Variants in RGS7 observed in about 807,000 individuals in gnomAD.
The protein encoded by RGS7 is regulator of G protein signaling 7.
RGS7 carries 27 observed loss-of-function variants against 81.1 expected under a neutral mutation model. The ratio of observed to expected loss-of-function variants is 0.33; its 90% CI spans 0.25 to 0.46. The LOEUF is 0.46. Ranked by LOEUF, RGS7 falls within the 20% of genes least tolerant of loss-of-function variation. The pLI is 1.00. For missense variants in RGS7, 396 were observed against 607.4 expected (o/e 0.65, Z 3.66); for synonymous variants, 208 against 207.7 (o/e 1.00, Z -0.01).
intron 4 of RGS7, among the ~76,000 whole-genome samples, chr1:240,958,915 A>G (rs1304864050): frequency 1.3e-5 from 2 of 152,238 alleles, no homozygotes; most frequent in Non-Finnish European, 2.9e-5. Context: ...TGCTGTTATT[A>G]GCCTTTCCTA....
intron 4 of RGS7, among the ~76,000 whole-genome samples, chr1:240,950,835 G>A (rs1183125473): frequency 2.0e-5 from 3 of 152,068 alleles, no homozygotes; most frequent in South Asian, 4.1e-4. Context: ...CATTAAGCAC[G>A]GTCCAAGTAC....
intron 2 of RGS7, among the ~76,000 whole-genome samples, chr1:241,278,970 A>T (rs1173060039): frequency 6.6e-6 from 1 of 152,184 alleles, no homozygotes; most frequent in East Asian, 1.9e-4. Context: ...CCATAAAAGG[A>T]ACACATACCC....
At chr1:240,779,493 C>T (rs759662053) in intron 18 of RGS7, among the ~76,000 whole-genome samples, 1 of 140,524 alleles carries the variant, frequency 7.1e-6, no homozygotes, top group Non-Finnish European at 1.5e-5. Context: ...AGCTTGTTTG[C>T]CCCTCCCACC....
chr1:241,004,890 CA>C (rs1186257779), intron 3 of RGS7, among the ~76,000 whole-genome samples: 4 of 152,144 alleles, frequency 2.6e-5, no homozygotes, highest in African/African-American at 9.7e-5. Flanking sequence ...CGCCTCGGGC[CA>C]GAGGGATTCT....
At chr1:241,123,644 G>A (rs533975051) in intron 2 of RGS7, among the ~76,000 whole-genome samples, 70 of 152,280 alleles carry the variant, frequency 4.6e-4, no homozygotes, top group African/African-American at 1.5e-3. Flanking sequence ...ACAGCTACTC[G>A]GGAGGCTGAA....
At chr1:240,892,190 T>C (rs1323324693) in intron 6 of RGS7, among the ~76,000 whole-genome samples, 4 of 152,214 alleles carry the variant, frequency 2.6e-5, no homozygotes, top group African/African-American at 9.7e-5. Flanking sequence ...GTTTCTCTTA[T>C]GTACTTTGCT....
chr1:241,094,414 C>T (rs762816361), intron 3 of RGS7, among the ~76,000 whole-genome samples: 4 of 152,150 alleles, frequency 2.6e-5, no homozygotes, highest in Non-Finnish European at 5.9e-5. Flanking sequence ...CACATACAAC[C>T]TGTGCAGCTG....
At chr1:240,889,410 A>G (rs980514633) in intron 6 of RGS7, among the ~76,000 whole-genome samples, 2 of 152,172 alleles carry the variant, frequency 1.3e-5, no homozygotes, top group African/African-American at 4.8e-5. Context: ...ATGGGACACC[A>G]GCAGCAGGGT....
At chr1:241,245,712 CAGG>C (rs2076496101) in intron 2 of RGS7, among the ~76,000 whole-genome samples, 1 of 151,908 alleles carries the variant, frequency 6.6e-6, no homozygotes, top group African/African-American at 2.4e-5. Context: ...GAGGCTGAGG[CAGG>C]AGAATTACTT....
At chr1:241,180,672 T>G (rs2071543953) in intron 2 of RGS7, among the ~76,000 whole-genome samples, 1 of 152,226 alleles carries the variant, frequency 6.6e-6, no homozygotes, top group Non-Finnish European at 1.5e-5. Flanking sequence ...TAATAAGATG[T>G]CCTTTGACAC....
intron 3 of RGS7, among the ~76,000 whole-genome samples, chr1:241,004,932 G>A (rs2058606481): frequency 6.6e-6 from 1 of 152,208 alleles, no homozygotes; most frequent in African/African-American, 2.4e-5. Context: ...CAGGTCAGGA[G>A]AAGGTCAGAG....
chr1:241,147,051 G>A (rs2068363392), intron 2 of RGS7, among the ~76,000 whole-genome samples: 2 of 152,090 alleles, frequency 1.3e-5, no homozygotes, highest in South Asian at 2.1e-4. Flanking sequence ...TGATAGCTAA[G>A]GTCACTCTGT....
At chr1:241,020,923 T>C (rs747586491) in intron 3 of RGS7, among the ~76,000 whole-genome samples, 45 of 152,180 alleles carry the variant, frequency 3.0e-4, no homozygotes, top group Non-Finnish European at 4.9e-4. Flanking sequence ...ATCATTCCTT[T>C]GAATAGAGAG....
chr1:240,998,833 A>C, intron 3 of RGS7: 1 of 576,258 alleles, frequency 1.7e-6, no homozygotes, highest in South Asian at 1.5e-5. Context: ...CCGGACGCGG[A>C]TGGACCGAGC....
rs145048123 is a variant in RGS7 at position 241,109,107 on chromosome 1, G to T, written c.79-10345C>A. 2.3e-3 allele frequency among the ~76,000 whole-genome samples: 349 copies of T among 152,238 alleles called. 4 individuals carry two copies. Among genetic ancestry groups the T allele is most frequent in the Non-Finnish European group, 2.4e-3 (165 of 68,006 alleles). On this transcript the variant is annotated intron_variant, in intron 2 of 18. Coordinates refer to ENST00000440928, the MANE Select transcript of RGS7 (RefSeq NM_001364886.1). ...ACTTCCATTGGCCTGACAACCCCAT[G>T]AATTTTCTGTAAGCGAAATGACCAC... is the stretch of plus-strand genomic sequence containing the variant.
intron 9 of RGS7, among the ~76,000 whole-genome samples, chr1:240,834,565 C>A (rs1412491459): frequency 1.3e-5 from 2 of 152,116 alleles, no homozygotes; most frequent in African/African-American, 4.8e-5. Context: ...GACTGGAGTG[C>A]AGGGGCGTGA....
intron 3 of RGS7, among the ~76,000 whole-genome samples, chr1:240,995,699 G>T (rs1372165916): frequency 1.7e-5 from 2 of 119,830 alleles, no homozygotes; most frequent in African/African-American, 5.5e-5. Context: ...ATGGCAATTT[G>T]TGTCTTTTCT....
At chr1:241,202,011 GACAC>G (rs60399497) in intron 2 of RGS7, among the ~76,000 whole-genome samples, 8,719 of 144,984 alleles carry the variant, frequency 0.06, 271 homozygotes, top group East Asian at 0.092. Context: ...GACACACACA[GACAC>G]ACACACACAC....
intron 4 of RGS7, among the ~76,000 whole-genome samples, chr1:240,982,653 G>C (rs1203593424): frequency 6.6e-6 from 1 of 151,910 alleles, no homozygotes; most frequent in Non-Finnish European, 1.5e-5. Context: ...AAAAAAATCA[G>C]AATTACAAAT....
Sources: allele counts gnomAD v4.1 joint callset (sites outside exome capture counted in the v4.1 genomes callset), GRCh38; gene constraint gnomAD v4.1.1; transcripts MANE v1.5; gene names NCBI Gene and HGNC (gene_info 2026-07-23, HGNC 2026-07-21).